The following GPR107 variants were observed in gnomAD, a reference collection of about 807,000 sequenced individuals.
GPR107 encodes G protein-coupled receptor 107.
In GPR107, 31 loss-of-function variants were observed where a neutral mutation model predicts 75.5. The observed-to-expected ratio is 0.41, with a 90% CI of 0.31 to 0.55. The LOEUF (loss-of-function observed/expected upper bound fraction) is 0.55, where lower values mean the gene tolerates loss of function less well. Ranked by LOEUF, GPR107 falls within the 20% of genes least tolerant of loss-of-function variation. The pLI is 0.26. For synonymous variants in GPR107, 267 were observed against 251.3 expected (o/e 1.06, Z -0.59); for missense variants, 572 against 665.7 (o/e 0.86, Z 1.55).
At chr9:130,105,852 G>T (rs1831143555) in intron 13 of GPR107, among the ~76,000 whole-genome samples, 1 of 151,350 alleles carries the variant, frequency 6.6e-6, no homozygotes, top group Non-Finnish European at 1.5e-5. Context: ...TGTAGACAGG[G>T]TTTTGCCATG....
chr9:130,132,823 A>G (rs1354632619), intron 17 of GPR107, among the ~76,000 whole-genome samples: 1 of 89,294 alleles, frequency 1.1e-5, no homozygotes, highest in East Asian at 2.0e-4. Context: ...ATATATTTTT[A>G]TATATTTATA....
At chr9:130,119,817 TG>T (rs1386359347) in intron 14 of GPR107, among the ~76,000 whole-genome samples, 4 of 53,208 alleles carry the variant, frequency 7.5e-5, no homozygotes, top group East Asian at 5.5e-4. Context: ...ATTTTTAGTC[TG>T]TTTTTTTTGT....
At chr9:130,072,653 A>C (rs1356329869) in intron 1 of GPR107, among the ~76,000 whole-genome samples, 1 of 152,094 alleles carries the variant, frequency 6.6e-6, no homozygotes, top group African/African-American at 2.4e-5. Flanking sequence ...CCTGTTTTTC[A>C]TGGCATTGTA....
chr9:130,113,251 T>G (rs1010393065), intron 14 of GPR107, among the ~76,000 whole-genome samples: 2 of 148,028 alleles, frequency 1.4e-5, no homozygotes, highest in African/African-American at 2.5e-5. Context: ...AGATCTTTTT[T>G]TTTTTTTTTT....
chr9:130,070,600 A>G (rs573597062), intron 1 of GPR107, among the ~76,000 whole-genome samples: 51 of 152,344 alleles, frequency 3.3e-4, no homozygotes, highest in Non-Finnish European at 6.2e-4. Flanking sequence ...CACCGCGCCT[A>G]GCCAAAAAGA....
intron 9 of GPR107, among the ~76,000 whole-genome samples, chr9:130,098,643 A>G (rs1830937296): frequency 6.6e-6 from 1 of 152,164 alleles, no homozygotes; most frequent in South Asian, 2.1e-4. Flanking sequence ...GTTCATTCAC[A>G]ACATTAAATT....
intron 4 of GPR107, 115 bp downstream of exon 4, chr9:130,077,493 G>T: frequency 1.5e-6 from 1 of 672,700 alleles, no homozygotes. Context: ...GCTGAGTGCT[G>T]GAGATTCAAG....
chr9:130,060,226 C>A (rs768338007), intron 1 of GPR107, among the ~76,000 whole-genome samples: 5 of 151,914 alleles, frequency 3.3e-5, no homozygotes, highest in African/African-American at 7.3e-5. Flanking sequence ...CTACGCCCAG[C>A]TAATTTTTGT....
chr9:130,061,027 A>AT (rs1829914727), intron 1 of GPR107, among the ~76,000 whole-genome samples: 1 of 152,192 alleles, frequency 6.6e-6, no homozygotes. Context: ...ATCTGCCAAT[A>AT]TACATTCATT....
chr9:130,070,008 TTTTA>T (rs1364540807), intron 1 of GPR107, among the ~76,000 whole-genome samples: 510 of 25,858 alleles, frequency 0.02, 24 homozygotes, highest in South Asian at 0.041. Flanking sequence ...TTTTTTTTTT[TTTTA>T]AATTTTTTTG....
chr9:130,073,849 G>A lies in GPR107; in HGVS notation c.142-1787G>A, dbSNP rs371799061. Among the ~76,000 whole-genome samples, 35 of 152,294 alleles carry A rather than the reference G, an allele frequency of 2.3e-4. No homozygotes were observed. In the East Asian group the frequency reaches 2.9e-3, roughly 13 times the overall value. On this transcript the variant is annotated intron_variant, in intron 1 of 17. Coordinates refer to ENST00000347136, the MANE Select transcript of GPR107 (RefSeq NM_020960.5). ...CGGCTCACTGCAACCTCTGCTTCCC[G>A]GGTTCAAGTGATTCTCCTGCCTCAG...
rs540855056 is a variant in GPR107, at chr9:130,139,105, C to T, written c.*3984C>T. On this transcript the variant is annotated 3_prime_UTR_variant, in exon 18 of 18. Transcript: ENST00000347136. ...CCCCGCTGCTTTTCTCTGACCCGCC[C>T]CTGGCCTTGTAAGACTCACGTAAGC... 195 of 152,426 alleles carry T rather than the reference C, an allele frequency of 1.3e-3. No homozygotes were observed. Among genetic ancestry groups the T allele is most frequent in the Non-Finnish European group, 1.6e-3 (112 of 68,076 alleles). 9.4% of individuals were successfully genotyped at this position (152,426 alleles called of 1,614,324 possible). A position where few individuals can be genotyped will look rare whatever the true frequency, so the allele number is the denominator to read the frequency against.
intron 7 of GPR107, among the ~76,000 whole-genome samples, chr9:130,088,678 C>T (rs1376265798): frequency 6.6e-6 from 1 of 152,076 alleles, no homozygotes; most frequent in Admixed American, 6.6e-5. Flanking sequence ...TATTTTTTCT[C>T]TTTTACCAAT....
At chr9:130,063,735 CT>C (rs906076139) in intron 1 of GPR107, among the ~76,000 whole-genome samples, 5 of 146,698 alleles carry the variant, frequency 3.4e-5, no homozygotes, top group African/African-American at 1.0e-4. Flanking sequence ...ATTGCTTTGT[CT>C]TTTTTTTTCT....
chr9:130,098,640 C>G (rs1001515803), intron 9 of GPR107, among the ~76,000 whole-genome samples: 1 of 152,116 alleles, frequency 6.6e-6, no homozygotes, highest in Non-Finnish European at 1.5e-5. Context: ...CAGGTTCATT[C>G]ACAACATTAA....
At chr9:130,125,286 T>G (rs569691372) in intron 15 of GPR107, among the ~76,000 whole-genome samples, 2 of 151,910 alleles carry the variant, frequency 1.3e-5, no homozygotes, top group Non-Finnish European at 2.9e-5. Context: ...TTCGCAAAGT[T>G]GGCCAGGCTA....
chr9:130,079,772 A>C lies in GPR107; in HGVS notation c.526+3A>C. 1 of 1,600,868 alleles carries C rather than the reference A, an allele frequency of 6.2e-7. No individual in the cohort carries two copies. The highest frequency in any genetic ancestry group is 8.5e-7 in the Non-Finnish European group (1 of 1,173,504). On this transcript the variant is annotated splice_donor_region_variant and intron_variant, in intron 5 of 17. Coordinates refer to ENST00000347136, the MANE Select transcript of GPR107 (RefSeq NM_020960.5). ...CAACCAGACCCAGAAGACACAAGGT[A>C]AACCGTAAGGTGGAAACTGGCTTTC...
chr9:130,109,567 CTTTCTTTT>C (rs1831242456), intron 14 of GPR107, among the ~76,000 whole-genome samples: 3 of 26,224 alleles, frequency 1.1e-4, no homozygotes, highest in East Asian at 3.4e-3. Context: ...TAGTCTTTTT[CTTTCTTTT>C]TTTTTTTTTT....
At chr9:130,094,826 G>A (rs1304761265) in intron 9 of GPR107, among the ~76,000 whole-genome samples, 5 of 151,934 alleles carry the variant, frequency 3.3e-5, no homozygotes, top group Admixed American at 6.6e-5. Flanking sequence ...GATTACAGGT[G>A]CCTGCCACCA....
Sources: gnomAD v4.1 joint callset for allele counts (sites outside exome capture counted in the v4.1 genomes callset) on GRCh38, gnomAD v4.1.1 for gene constraint, MANE v1.5 for transcripts, NCBI Gene and HGNC (gene_info 2026-07-23, HGNC 2026-07-21) for gene names.